The following POC1A variants were observed in gnomAD, a reference collection of about 807,000 sequenced individuals.
POC1A encodes POC1 centriolar protein A, also known as POC1 centriolar protein homolog A.
In POC1A, 34 loss-of-function variants were observed where a neutral mutation model predicts 47.8. That is an observed-to-expected ratio of 0.71 (90% CI 0.54 to 0.95). POC1A has a LOEUF of 0.95. Ranked by LOEUF, POC1A falls within the 40% of genes least tolerant of loss-of-function variation. The probability of loss-of-function intolerance (pLI) is 0.00; values close to 1 mark genes in which losing one functional copy is unlikely to be tolerated. For missense variants in POC1A, 466 were observed against 528.3 expected (o/e 0.88, Z 1.16); for synonymous variants, 177 against 207.6 (o/e 0.85, Z 1.27).
chr3:52,129,141 C>T (rs1421148542), intron 7 of POC1A, among the ~76,000 whole-genome samples: 20 of 151,894 alleles, frequency 1.3e-4, no homozygotes, highest in African/African-American at 7.3e-5. Context: ...TAGCCAGGGG[C>T]GGTGGCACAC....
intron 9 of POC1A, among the ~76,000 whole-genome samples, chr3:52,112,970 C>T (rs188078674): frequency 1.3e-5 from 2 of 152,226 alleles, no homozygotes; most frequent in African/African-American, 2.4e-5. Flanking sequence ...CCTATTAAAT[C>T]GGATACTCTG....
intron 2 of POC1A, among the ~76,000 whole-genome samples, chr3:52,150,411 C>G (rs1233028367): frequency 6.6e-6 from 1 of 152,152 alleles, no homozygotes; most frequent in East Asian, 1.9e-4. Context: ...CAAAACTGAT[C>G]AAAAATCACT....
chr3:52,108,179 T>A (rs1390573430), intron 9 of POC1A, among the ~76,000 whole-genome samples: 1 of 152,234 alleles, frequency 6.6e-6, no homozygotes, highest in Non-Finnish European at 1.5e-5. Context: ...AATGTTGACC[T>A]TGATCAATGG....
At chr3:52,105,776 G>A (rs1703156249) in intron 9 of POC1A, among the ~76,000 whole-genome samples, 1 of 152,212 alleles carries the variant, frequency 6.6e-6, no homozygotes, top group African/African-American at 2.4e-5. Flanking sequence ...CCTGCCTCCA[G>A]GCAGCCTGAG....
intron 7 of POC1A, among the ~76,000 whole-genome samples, chr3:52,134,460 C>G (rs1211273534): frequency 6.6e-6 from 1 of 151,942 alleles, no homozygotes; most frequent in Non-Finnish European, 1.5e-5. Flanking sequence ...GGTGAAACCC[C>G]GTCTCTACTA....
chr3:52,076,128 C>T lies in POC1A; in HGVS notation c.1126-143G>A, dbSNP rs545959696. 1.2e-5 allele frequency: 8 copies of T among 649,468 alleles called. No homozygotes were observed. The South Asian group carries it at 1.3e-4, about 10-fold the overall frequency. 40.2% of individuals were successfully genotyped at this position (649,468 alleles called of 1,614,324 possible). ...TTTCCACCCAGGGGTTCTGCCAGGCCCCTTGTCTCTGGTGCTATTGGGATA... is the reference window on the plus strand; with the variant it reads ...TTTCCACCCAGGGGTTCTGCCAGGCTCCTTGTCTCTGGTGCTATTGGGATA... On this transcript the variant is annotated intron_variant, in intron 10 of 10. Transcript: ENST00000296484.
chr3:52,111,652 TAAAAAAAAAAAAAA>T (rs59028696), intron 9 of POC1A, among the ~76,000 whole-genome samples: 128 of 95,180 alleles, frequency 1.3e-3, no homozygotes, highest in Admixed American at 3.0e-3. Context: ...GTCTCAAAAT[TAAAAAAAAAAAAAA>T]AAAAAAAAAA....
intron 7 of POC1A, 109 bp from the exon 8 acceptor site, chr3:52,125,290 C>G: frequency 1.1e-6 from 1 of 888,490 alleles, no homozygotes; most frequent in East Asian, 2.6e-5. Context: ...GATAAAGGAC[C>G]GAGAGCCCAC....
intron 9 of POC1A, among the ~76,000 whole-genome samples, chr3:52,103,625 G>T (rs1234670638): frequency 6.6e-6 from 1 of 152,116 alleles, no homozygotes; most frequent in Non-Finnish European, 1.5e-5. Context: ...CTTGGGTTGG[G>T]TATATTCCTT....
At chr3:52,123,249 T>G (rs977336597) in intron 8 of POC1A, among the ~76,000 whole-genome samples, 1 of 152,250 alleles carries the variant, frequency 6.6e-6, no homozygotes, top group Non-Finnish European at 1.5e-5. Context: ...AGCAGGACCA[T>G]GTCCCTCGGT....
chr3:52,094,238 T>C (rs1432296563), intron 10 of POC1A, among the ~76,000 whole-genome samples: 1 of 152,158 alleles, frequency 6.6e-6, no homozygotes, highest in African/African-American at 2.4e-5. Context: ...AAGGAGTGCT[T>C]GCTGATGGGG....
At chr3:52,149,146 GC>G in intron 4 of POC1A, 63 bp downstream of exon 4, 1 of 1,444,438 alleles carries the variant, frequency 6.9e-7, no homozygotes, top group Non-Finnish European at 9.7e-7. Flanking sequence ...GTACCTAGCA[GC>G]CCCTGGGCCA....
At position 52,149,232 on chromosome 3, in the gene POC1A, T is replaced by C. The variant is rs149098603; in HGVS notation, c.433A>G (p.Ile145Val). 7.4e-6 allele frequency: 12 copies of C among 1,614,132 alleles called. No homozygotes were observed. The highest frequency in any genetic ancestry group is 6.7e-5 in the African/African-American group (5 of 75,054). Residue 145 changes from isoleucine (I) to valine (V), a missense_variant, in exon 4 of 11, where the codon ATC (isoleucine) becomes GTC (valine). Transcript: ENST00000296484. ...CACTTGGCACAGCGGACCCAGTTGA[T>C]ATGCTGGCTCAGGGAGAACAGGAAT... ...QKFLFSLSQH[I>V]NWVRCAKFSP...
At chr3:52,117,736 T>C (rs1703619628) in intron 9 of POC1A, among the ~76,000 whole-genome samples, 1 of 151,978 alleles carries the variant, frequency 6.6e-6, no homozygotes, top group Admixed American at 6.6e-5. Context: ...TAGAACTCTG[T>C]GTTCTCCTCC....
chr3:52,102,931 G>A (rs975295530), intron 9 of POC1A, among the ~76,000 whole-genome samples: 1 of 152,144 alleles, frequency 6.6e-6, no homozygotes, highest in South Asian at 2.1e-4. Flanking sequence ...GAATAAATTA[G>A]AGGAATCACA....
chr3:52,103,185 C>T (rs965169967), intron 9 of POC1A, among the ~76,000 whole-genome samples: 1 of 152,196 alleles, frequency 6.6e-6, no homozygotes, highest in Non-Finnish European at 1.5e-5. Flanking sequence ...TACCTTGCAC[C>T]ACATACAGAA....
intron 7 of POC1A, among the ~76,000 whole-genome samples, chr3:52,131,649 G>A (rs540152313): frequency 3.3e-5 from 5 of 152,272 alleles, no homozygotes; most frequent in African/African-American, 4.8e-5. Context: ...CAAGGCACCC[G>A]GCAAAGCAAA....
chr3:52,148,300 G>A (rs1163749485), intron 4 of POC1A, among the ~76,000 whole-genome samples: 1 of 152,198 alleles, frequency 6.6e-6, no homozygotes, highest in Non-Finnish European at 1.5e-5. Flanking sequence ...TAGTCATAAA[G>A]CCTCTAAGAG....
intron 10 of POC1A, among the ~76,000 whole-genome samples, chr3:52,091,170 A>G (rs1472700766): frequency 6.6e-6 from 1 of 151,840 alleles, no homozygotes; most frequent in African/African-American, 2.4e-5. Context: ...CAGAGGGGAT[A>G]GGGGAGGGGT....
Sources: gnomAD v4.1 joint callset for allele counts (sites outside exome capture counted in the v4.1 genomes callset) on GRCh38, gnomAD v4.1.1 for gene constraint, MANE v1.5 for transcripts, NCBI Gene and HGNC (gene_info 2026-07-23, HGNC 2026-07-21) for gene names.